GTF2F2: variants seen among roughly 807,000 people sequenced by gnomAD.
GTF2F2 encodes general transcription factor IIF subunit 2.
A neutral mutation model predicts 42.2 loss-of-function variants in GTF2F2; 23 were observed. The observed-to-expected ratio is 0.55, with a 90% CI of 0.39 to 0.77. The LOEUF is 0.77. Ranked by LOEUF, GTF2F2 falls within the 30% of genes least tolerant of loss-of-function variation. GTF2F2 has a pLI of 0.00. For missense variants in GTF2F2, 261 were observed against 287.2 expected (o/e 0.91, Z 0.66); for synonymous variants, 105 against 100.8 (o/e 1.04, Z -0.25).
chr13:45,247,171 A>C (rs1183103487), intron 5 of GTF2F2, among the ~76,000 whole-genome samples: 1 of 151,940 alleles, frequency 6.6e-6, no homozygotes, highest in Non-Finnish European at 1.5e-5. Flanking sequence ...CCAACATTGC[A>C]AAACCCTGTC....
chr13:45,201,307 C>A (rs1203765772), intron 4 of GTF2F2, among the ~76,000 whole-genome samples: 2 of 152,170 alleles, frequency 1.3e-5, no homozygotes, highest in African/African-American at 4.8e-5. Context: ...AGCTTCTTAA[C>A]ATTTTGTTAT....
intron 7 of GTF2F2, among the ~76,000 whole-genome samples, chr13:45,275,951 C>T (rs1346971724): frequency 2.0e-5 from 3 of 152,196 alleles, no homozygotes; most frequent in Non-Finnish European, 1.5e-5. Context: ...TCTCCACATC[C>T]TCTCCAGCAT....
At position 45,134,168 on chromosome 13, in the gene GTF2F2, TC is replaced by T. The variant is rs569278309; in HGVS notation, c.67-2561del. Among the ~76,000 whole-genome samples the T allele has an allele frequency of 5.0e-3, 757 of 152,344 alleles. 8 individuals carry two copies. Among genetic ancestry groups the T allele is most frequent in the African/African-American group, 0.017 (718 of 41,590 alleles). On this transcript the variant is annotated intron_variant, in intron 1 of 7. Coordinates refer to ENST00000340473, the MANE Select transcript of GTF2F2 (RefSeq NM_004128.3). ...GATTGTGCTTGTGGAAACCACTGTT[TC>T]CCCTTTTCAATCTGTGTGATTTTAA...
chr13:45,120,751 C>T (rs1475929252), intron 1 of GTF2F2, 30 bp downstream of exon 1: 8 of 1,476,406 alleles, frequency 5.4e-6, no homozygotes, highest in Non-Finnish European at 5.6e-6. Context: ...CACTTGCGCT[C>T]CTCCTAACAC....
chr13:45,161,621 C>T (rs1328353205), intron 4 of GTF2F2, among the ~76,000 whole-genome samples: 3 of 152,200 alleles, frequency 2.0e-5, no homozygotes, highest in African/African-American at 7.2e-5. Context: ...GTGGGCAGAT[C>T]ACCTGAGGTC....
chr13:45,139,877 T>C (rs1869835601), intron 2 of GTF2F2, among the ~76,000 whole-genome samples: 1 of 152,208 alleles, frequency 6.6e-6, no homozygotes, highest in Non-Finnish European at 1.5e-5. Context: ...GTGTCTGGCA[T>C]GCCCCATCTC....
intron 5 of GTF2F2, among the ~76,000 whole-genome samples, chr13:45,231,971 T>A (rs897286478): frequency 1.3e-5 from 2 of 152,218 alleles, no homozygotes; most frequent in Non-Finnish European, 2.9e-5. Context: ...CAGCTAATAA[T>A]TCTGATTTCT....
intron 5 of GTF2F2, among the ~76,000 whole-genome samples, chr13:45,243,043 A>G (rs371124586): frequency 9.9e-4 from 151 of 152,320 alleles, no homozygotes; most frequent in African/African-American, 3.5e-3. Context: ...AATTCTCAGT[A>G]TAGTACATAA....
chr13:45,259,533 T>C (rs553867978), intron 6 of GTF2F2, among the ~76,000 whole-genome samples: 1 of 152,184 alleles, frequency 6.6e-6, no homozygotes, highest in South Asian at 2.1e-4. Flanking sequence ...AATTCTAGTA[T>C]GCAGCCACTG....
At chr13:45,205,711 G>T (rs949834372) in intron 4 of GTF2F2, among the ~76,000 whole-genome samples, 1 of 151,978 alleles carries the variant, frequency 6.6e-6, no homozygotes, top group Non-Finnish European at 1.5e-5. Context: ...GTAGAGACAG[G>T]GTTTCACCAT....
intron 5 of GTF2F2, among the ~76,000 whole-genome samples, chr13:45,243,078 GT>G: frequency 6.6e-6 from 1 of 152,232 alleles, no homozygotes; most frequent in South Asian, 2.1e-4. Flanking sequence ...TAATAATGAA[GT>G]ACAGTTGTTT....
intron 1 of GTF2F2, among the ~76,000 whole-genome samples, chr13:45,134,935 C>T (rs1869538714): frequency 6.6e-6 from 1 of 151,658 alleles, no homozygotes; most frequent in Non-Finnish European, 1.5e-5. Flanking sequence ...CCTGACTGGA[C>T]TCTAGTATAT....
chr13:45,121,276 G>C (rs910281901), intron 1 of GTF2F2, among the ~76,000 whole-genome samples: 1 of 152,232 alleles, frequency 6.6e-6, no homozygotes, highest in African/African-American at 2.4e-5. Context: ...TGGGTCTCGT[G>C]AAACTGGCCG....
chr13:45,197,017 TCTC>T (rs1370051090), intron 4 of GTF2F2, among the ~76,000 whole-genome samples: 1 of 151,798 alleles, frequency 6.6e-6, no homozygotes, highest in Admixed American at 6.6e-5. Context: ...TTGTGCCTCT[TCTC>T]CTTGATTGTT....
intron 4 of GTF2F2, among the ~76,000 whole-genome samples, chr13:45,184,395 C>CT (rs1353332249): frequency 2.1e-5 from 3 of 142,448 alleles, no homozygotes; most frequent in Non-Finnish European, 3.0e-5. Flanking sequence ...TTCCCCCCCG[C>CT]CCTTTTTTTT....
At chr13:45,242,178 A>G (rs1176594080) in intron 5 of GTF2F2, among the ~76,000 whole-genome samples, 2 of 150,982 alleles carry the variant, frequency 1.3e-5, no homozygotes, top group Non-Finnish European at 2.9e-5. Flanking sequence ...AATCAGCTCA[A>G]CCCTCACCCT....
chr13:45,279,817 A>G (rs907147733), intron 7 of GTF2F2, among the ~76,000 whole-genome samples: 12 of 152,194 alleles, frequency 7.9e-5, no homozygotes, highest in African/African-American at 2.7e-4. Context: ...AGGCAGGCGA[A>G]TCACTTGAAC....
At chr13:45,257,898 G>C (rs1876170452) in intron 6 of GTF2F2, among the ~76,000 whole-genome samples, 1 of 151,964 alleles carries the variant, frequency 6.6e-6, no homozygotes, top group African/African-American at 2.4e-5. Context: ...TTTTAGCATT[G>C]GTGCTCAATT....
intron 5 of GTF2F2, among the ~76,000 whole-genome samples, chr13:45,208,573 A>T (rs1247926561): frequency 1.3e-5 from 2 of 152,190 alleles, no homozygotes; most frequent in East Asian, 3.9e-4. Flanking sequence ...GATTGTAGGT[A>T]CACTGAATCG....
Sources: allele counts gnomAD v4.1 joint callset (sites outside exome capture counted in the v4.1 genomes callset), GRCh38; gene constraint gnomAD v4.1.1; transcripts MANE v1.5; gene names NCBI Gene and HGNC (gene_info 2026-07-23, HGNC 2026-07-21).